XRCC5: variants seen among roughly 807,000 people sequenced by gnomAD.
XRCC5 encodes X-ray repair cross complementing 5, also known as DNA repair protein Ku80.
XRCC5 carries 12 observed loss-of-function variants against 95.7 expected under a neutral mutation model. The ratio of observed to expected loss-of-function variants is 0.13; its 90% CI spans 0.08 to 0.20. The LOEUF is 0.20. Among genes scored for constraint, XRCC5 ranks in the 10% least tolerant of loss-of-function variants. XRCC5 has a pLI of 1.00. For synonymous variants in XRCC5, 281 were observed against 290.3 expected, an observed-to-expected ratio of 0.97 and a Z score of 0.33; for missense variants, 595 against 873.9, an observed-to-expected ratio of 0.68 and a Z score of 4.02.
chr2:216,201,041 T>C (rs963216912), intron 19 of XRCC5, among the ~76,000 whole-genome samples: 2 of 152,162 alleles, frequency 1.3e-5, no homozygotes, highest in Admixed American at 6.5e-5. Flanking sequence ...ACCCCTAAGA[T>C]AGGTATGGTA....
At chr2:216,182,178 G>A (rs1436603618) in intron 16 of XRCC5, among the ~76,000 whole-genome samples, 1 of 152,152 alleles carries the variant, frequency 6.6e-6, no homozygotes, top group African/African-American at 2.4e-5. Context: ...TCCTTGGTGA[G>A]GAGTCTGACT....
At chr2:216,136,698 A>G (rs1210704257) in intron 10 of XRCC5, among the ~76,000 whole-genome samples, 1 of 152,196 alleles carries the variant, frequency 6.6e-6, no homozygotes, top group Non-Finnish European at 1.5e-5. Flanking sequence ...GAAGAATAAT[A>G]ATGCACTAAG....
intron 16 of XRCC5, among the ~76,000 whole-genome samples, chr2:216,187,861 T>TCTCTCTCTCTCTCTCTCTCTCTCTCCC (rs143232624): frequency 8.6e-6 from 1 of 116,236 alleles, no homozygotes; most frequent in African/African-American, 4.2e-5. Flanking sequence ...TCTCTCTCTC[T>TCTCTCTCTCTCTCTCTCTCTCTCTCCC]CCCCGTCTCC....
intron 13 of XRCC5, among the ~76,000 whole-genome samples, chr2:216,143,288 T>A (rs1371964649): frequency 6.6e-6 from 1 of 152,254 alleles, no homozygotes; most frequent in Non-Finnish European, 1.5e-5. Flanking sequence ...ATTACAGATA[T>A]AAAAATCCTT....
intron 16 of XRCC5, among the ~76,000 whole-genome samples, chr2:216,182,189 C>T (rs143665632): frequency 6.6e-6 from 1 of 152,308 alleles, no homozygotes; most frequent in Non-Finnish European, 1.5e-5. Flanking sequence ...GAGTCTGACT[C>T]ATCATTCACT....
At chr2:216,112,958 C>G (rs781277962) in intron 1 of XRCC5, 58 bp from the exon 2 acceptor site, 239 of 1,350,380 alleles carry the variant, frequency 1.8e-4, no homozygotes, top group Middle Eastern at 9.1e-4. Context: ...AAGGGACATT[C>G]TTACAGTCTT....
intron 4 of XRCC5, among the ~76,000 whole-genome samples, chr2:216,118,162 GTA>G (rs1358368504): frequency 6.6e-6 from 1 of 150,788 alleles, no homozygotes; most frequent in African/African-American, 2.4e-5. Flanking sequence ...TTGTGTGTGT[GTA>G]TGTTTTTTGT....
chr2:216,116,563 A>G (rs1696701280), intron 2 of XRCC5, 96 bp from the exon 3 acceptor site: 2 of 1,382,016 alleles, frequency 1.4e-6, no homozygotes, highest in Non-Finnish European at 2.0e-6. Context: ...GACCTGCCAT[A>G]GGGAGGTCTG....
chr2:216,167,553 CGTGTGTGTGTGTGGGTTTGTGT>C (rs1214974333), intron 16 of XRCC5, among the ~76,000 whole-genome samples: 3 of 141,852 alleles, frequency 2.1e-5, no homozygotes, highest in East Asian at 2.2e-4. Flanking sequence ...AAATCTCTCT[CGTGTGTGTGTGTGGGTTTGTGT>C]GTGTGTGTGT....
At chr2:216,176,688 A>G (rs1206779923) in intron 16 of XRCC5, among the ~76,000 whole-genome samples, 2 of 151,728 alleles carry the variant, frequency 1.3e-5, no homozygotes. Context: ...GATTTTCTCC[A>G]TTATTCTCAT....
intron 13 of XRCC5, among the ~76,000 whole-genome samples, chr2:216,142,046 C>T (rs755721724): frequency 1.3e-5 from 2 of 151,362 alleles, no homozygotes; most frequent in Admixed American, 6.6e-5. Flanking sequence ...AGAATGAGAC[C>T]GAGTCTTTAA....
At chr2:216,136,343 C>T (rs1331731990) in intron 10 of XRCC5, among the ~76,000 whole-genome samples, 4 of 122,170 alleles carry the variant, frequency 3.3e-5, no homozygotes, top group Non-Finnish European at 6.5e-5. Context: ...GCAACAAGAG[C>T]GAAACTGTGT....
At position 216,117,759 on chromosome 2, in the gene XRCC5, A is replaced by C. The variant is rs771663036; in HGVS notation, c.333A>C (p.Leu111=). 1.1e-5 allele frequency: 18 copies of C among 1,614,170 alleles called. No homozygotes were observed. In the East Asian group the frequency reaches 4.0e-4, roughly 36 times the overall value. Residue 111 remains leucine (L), a synonymous_variant, in exon 4 of 21, where the codon CTA becomes CTC. Coordinates refer to ENST00000392132, the MANE Select transcript of XRCC5 (RefSeq NM_021141.4). ...TAACTAGCTGAGTCCTGGATGCACT[A>C]ATCGTGAGCATGGATGTGATTCAAC... ...GSQQADFLDA[L]IVSMDVIQHE...
At chr2:216,176,831 C>T (rs1377648918) in intron 16 of XRCC5, among the ~76,000 whole-genome samples, 2 of 152,152 alleles carry the variant, frequency 1.3e-5, no homozygotes, top group African/African-American at 4.8e-5. Context: ...CTAATATAGG[C>T]ATTTAAAGCT....
Position 216,192,702 on chromosome 2 carries a change from C to G in XRCC5, c.2008C>G (p.Gln670Glu). 6.3e-7 allele frequency: 1 copy of G among 1,598,390 alleles called. No individual in the cohort carries two copies. Among genetic ancestry groups the G allele is most frequent in the Non-Finnish European group, 8.5e-7 (1 of 1,172,282 alleles). ...KALQEKVEIK[Q>E]LNHFWEIVVQ... ...CCTTCAAGAGAAAGTGGAAATTAAA[C>G]AATTAAATCATTTCTGGGAAATTGT... The change falls in exon 18 of 21, where the codon CAA becomes GAA. Residue 670 changes from glutamine to glutamate, a missense_variant. Transcript: ENST00000392132.
At position 216,139,931 on chromosome 2, in the gene XRCC5, C is replaced by T. The variant is rs141740870; in HGVS notation, c.1343-1255C>T. On this transcript the variant is annotated intron_variant, in intron 12 of 20. Coordinates refer to ENST00000392132, the MANE Select transcript of XRCC5 (RefSeq NM_021141.4). Reference sequence around the variant, plus strand: ...GTGAGTTAACATTTGTTTACATTTTCTCCATTGGAAAAATGGAACATTAAA... The same window carrying T: ...GTGAGTTAACATTTGTTTACATTTTTTCCATTGGAAAAATGGAACATTAAA... 6.7e-3 allele frequency among the ~76,000 whole-genome samples: 1,018 copies of T among 152,324 alleles called. 13 individuals are homozygous for T. Among genetic ancestry groups the T allele is most frequent in the African/African-American group, 0.023 (957 of 41,568 alleles).
intron 14 of XRCC5, among the ~76,000 whole-genome samples, chr2:216,157,243 T>C (rs1688862114): frequency 6.7e-6 from 1 of 149,264 alleles, no homozygotes; most frequent in Non-Finnish European, 1.5e-5. Flanking sequence ...TTTTTTGTTG[T>C]TGTTTTTTGA....
chr2:216,129,840 A>AT (rs1024898685), intron 8 of XRCC5, among the ~76,000 whole-genome samples: 14 of 151,096 alleles, frequency 9.3e-5, no homozygotes, highest in East Asian at 3.9e-4. Context: ...TGCCTGGCTA[A>AT]TTTTTTTTTG....
Position 216,180,767 on chromosome 2 carries a change from C to T in XRCC5, c.1835-9458C>T, listed in dbSNP as rs559082348. Among the ~76,000 whole-genome samples the T allele has an allele frequency of 5.3e-5, 8 of 151,474 alleles. 2 individuals are homozygous for T. Among genetic ancestry groups the T allele is most frequent in the African/African-American group, 1.9e-4 (8 of 41,304 alleles). On this transcript the variant is annotated intron_variant, in intron 16 of 20. Coordinates refer to ENST00000392132, the MANE Select transcript of XRCC5 (RefSeq NM_021141.4). ...CTGATGTTATTAATGGGACTTTCTC[C>T]AGAAATAAGCAGTGTTGTTAACTGT...
Sources: allele counts gnomAD v4.1 joint callset (sites outside exome capture counted in the v4.1 genomes callset), GRCh38; gene constraint gnomAD v4.1.1; transcripts MANE v1.5; gene names NCBI Gene and HGNC (gene_info 2026-07-23, HGNC 2026-07-21).